Variants in TFB2M observed in about 807,000 individuals in gnomAD.
TFB2M encodes dimethyladenosine transferase 2, mitochondrial.
TFB2M carries 44 observed loss-of-function variants against 41.3 expected under a neutral mutation model. The ratio of observed to expected loss-of-function variants is 1.07; its 90% CI spans 0.84 to 1.37. The LOEUF is 1.37. TFB2M is among the 40% of genes most tolerant of loss of function. The pLI, the probability that TFB2M is intolerant of heterozygous loss-of-function variation, is 0.00. For synonymous variants in TFB2M, 188 were observed against 176.8 expected (o/e 1.06, Z -0.50); for missense variants, 496 against 490.2 (o/e 1.01, Z -0.11).
intron 4 of TFB2M, among the ~76,000 whole-genome samples, chr1:246,554,729 C>T (rs1659275642): frequency 6.6e-6 from 1 of 152,100 alleles, no homozygotes; most frequent in African/African-American, 2.4e-5. Flanking sequence ...CTGAAACCAT[C>T]CCCGCCGCCA....
intron 4 of TFB2M, among the ~76,000 whole-genome samples, chr1:246,552,400 T>C (rs571072304): frequency 9.2e-5 from 14 of 152,280 alleles, no homozygotes; most frequent in East Asian, 7.7e-4. Flanking sequence ...TTACAGAGAA[T>C]TGAACTAGAG....
At chr1:246,554,826 A>G (rs548715371) in intron 4 of TFB2M, among the ~76,000 whole-genome samples, 15 of 152,198 alleles carry the variant, frequency 9.9e-5, no homozygotes, top group African/African-American at 3.4e-4. Context: ...CCAAAGGCAC[A>G]GGCAACAAAA....
intron 4 of TFB2M, among the ~76,000 whole-genome samples, chr1:246,553,345 A>G (rs1659234397): frequency 6.6e-6 from 1 of 152,200 alleles, no homozygotes; most frequent in Non-Finnish European, 1.5e-5. Flanking sequence ...AATAGCACCA[A>G]AAGTAACTTA....
intron 4 of TFB2M, among the ~76,000 whole-genome samples, chr1:246,552,996 C>T (rs1302115007): frequency 4.6e-5 from 7 of 151,530 alleles, no homozygotes; most frequent in South Asian, 2.1e-4. Context: ...CTGAGGCAGG[C>T]GGATCATGAG....
At chr1:246,563,139 C>T (rs1366170977) in intron 2 of TFB2M, among the ~76,000 whole-genome samples, 2 of 151,630 alleles carry the variant, frequency 1.3e-5, no homozygotes, top group African/African-American at 4.8e-5. Flanking sequence ...TGTGTGTTTC[C>T]ACTGTTCAAC....
chr1:246,561,548 A>T (rs572095181), intron 2 of TFB2M, among the ~76,000 whole-genome samples: 10 of 152,130 alleles, frequency 6.6e-5, no homozygotes, highest in Non-Finnish European at 1.3e-4. Flanking sequence ...GCTCACTGCA[A>T]CCTCCACCTA....
chr1:246,544,441 T>G, intron 7 of TFB2M, 80 bp downstream of exon 7: 1 of 1,289,832 alleles, frequency 7.8e-7, no homozygotes, highest in South Asian at 1.4e-5. Flanking sequence ...TCAATCAAGA[T>G]ATAAAAATAG....
intron 6 of TFB2M, among the ~76,000 whole-genome samples, chr1:246,545,144 T>C (rs114484708): frequency 0.014 from 2,067 of 152,068 alleles, 20 homozygotes; most frequent in Middle Eastern, 0.024. Context: ...CACAAAGCCC[T>C]AATTGGTCTT....
Position 246,555,656 on chromosome 1 carries a change from T to C in TFB2M, c.705+917A>G, listed in dbSNP as rs577584048. On this transcript the variant is annotated intron_variant, in intron 4 of 7. Coordinates refer to ENST00000366514, the MANE Select transcript of TFB2M (RefSeq NM_022366.3). ...TTACTATATGATCCTGCAATTCTAC[T>C]TCTAGCTGTACACTCAAAGGACTTG... Among the ~76,000 whole-genome samples, 5 of 152,316 alleles carry C rather than the reference T, an allele frequency of 3.3e-5. No homozygotes were observed. In the South Asian group the frequency reaches 1.0e-3, roughly 32 times the overall value.
At chr1:246,560,152 CCAGA>C (rs1453339748) in intron 2 of TFB2M, among the ~76,000 whole-genome samples, 1 of 151,956 alleles carries the variant, frequency 6.6e-6, no homozygotes, top group Non-Finnish European at 1.5e-5. Context: ...TATGTATGGC[CCAGA>C]CAGTTGATGT....
intron 6 of TFB2M, among the ~76,000 whole-genome samples, chr1:246,547,132 C>G (rs560514432): frequency 6.6e-6 from 1 of 151,984 alleles, no homozygotes; most frequent in Non-Finnish European, 1.5e-5. Flanking sequence ...TACAGGCGCA[C>G]GCCACCACAC....
At chr1:246,553,669 CAAA>C (rs1333521455) in intron 4 of TFB2M, among the ~76,000 whole-genome samples, 1 of 151,950 alleles carries the variant, frequency 6.6e-6, no homozygotes, top group Non-Finnish European at 1.5e-5. Context: ...CTGTGTCAAA[CAAA>C]AATGAAAACA....
intron 6 of TFB2M, among the ~76,000 whole-genome samples, chr1:246,545,228 C>T (rs769200232): frequency 1.9e-4 from 29 of 152,126 alleles, no homozygotes; most frequent in Non-Finnish European, 4.1e-4. Flanking sequence ...CGTCTCTCTC[C>T]AGGACAAAGA....
intron 2 of TFB2M, among the ~76,000 whole-genome samples, chr1:246,562,887 T>G (rs1659493417): frequency 6.6e-6 from 1 of 151,990 alleles, no homozygotes. Flanking sequence ...CTCAATCTCT[T>G]AACCTAGTGA....
At chr1:246,544,951 G>T (rs530895251) in intron 6 of TFB2M, among the ~76,000 whole-genome samples, 17 of 151,988 alleles carry the variant, frequency 1.1e-4, no homozygotes, top group Non-Finnish European at 2.4e-4. Flanking sequence ...GACTACAGGC[G>T]CCCACCACCA....
At chr1:246,563,803 T>A (rs1351671308) in intron 2 of TFB2M, among the ~76,000 whole-genome samples, 1 of 152,240 alleles carries the variant, frequency 6.6e-6, no homozygotes, top group Non-Finnish European at 1.5e-5. Flanking sequence ...AAAAAGGAAT[T>A]TTTAGACTCG....
At chr1:246,565,706 G>A in intron 1 of TFB2M, 120 bp downstream of exon 1, 1 of 1,137,534 alleles carries the variant, frequency 8.8e-7, no homozygotes, top group Non-Finnish European at 1.2e-6. Context: ...GCGAGACTCC[G>A]TCTCAAAGCA....
chr1:246,554,550 G>C lies in TFB2M; in HGVS notation c.705+2023C>G, dbSNP rs182096787. On this transcript the variant is annotated intron_variant, in intron 4 of 7. Transcript: ENST00000366514. ...TATGAGAATCTAATCCCGATGATCT[G>C]TCACTATCTCCTGTCACCCGCAAGT... is the stretch of plus-strand genomic sequence containing the variant. Among the ~76,000 whole-genome samples the C allele has an allele frequency of 9.5e-4, 145 of 152,222 alleles. 1 individual carries two copies. Among genetic ancestry groups the C allele is most frequent in the African/African-American group, 3.2e-3 (134 of 41,526 alleles).
chr1:246,562,399 G>T (rs1223363604), intron 2 of TFB2M, among the ~76,000 whole-genome samples: 1 of 152,210 alleles, frequency 6.6e-6, no homozygotes, highest in Non-Finnish European at 1.5e-5. Flanking sequence ...AATCTATTTG[G>T]ATGATGCCTT....
Sources: allele counts gnomAD v4.1 joint callset (sites outside exome capture counted in the v4.1 genomes callset), GRCh38; gene constraint gnomAD v4.1.1; transcripts MANE v1.5; gene names NCBI Gene and HGNC (gene_info 2026-07-23, HGNC 2026-07-21).